Variants in SHTN1 observed in about 807,000 individuals in gnomAD.
SHTN1 encodes shootin 1.
In SHTN1, 42 loss-of-function variants were observed where a neutral mutation model predicts 83.1. The ratio of observed to expected loss-of-function variants is 0.51; its 90% CI spans 0.39 to 0.65. The LOEUF is 0.65. Ranked by LOEUF, SHTN1 falls within the 30% of genes least tolerant of loss-of-function variation. SHTN1 has a pLI of 0.00. For synonymous variants in SHTN1, 224 were observed against 247.7 expected (o/e 0.90, Z 0.90); for missense variants, 622 against 737.8 (o/e 0.84, Z 1.82).
At chr10:116,974,076 A>C in intron 2 of SHTN1, 1 of 1,071,656 alleles carries the variant, frequency 9.3e-7, no homozygotes, top group African/African-American at 1.6e-5. Flanking sequence ...TCCAATTCAA[A>C]GTTCTTTCCC....
At chr10:116,912,614 C>T (rs562688585) in intron 13 of SHTN1, among the ~76,000 whole-genome samples, 7 of 152,236 alleles carry the variant, frequency 4.6e-5, no homozygotes, top group South Asian at 4.2e-4. Flanking sequence ...CAATACCTAA[C>T]GATCTCTGCA....
chr10:116,956,418 TA>T (rs1169209716), intron 4 of SHTN1, among the ~76,000 whole-genome samples: 2 of 152,222 alleles, frequency 1.3e-5, no homozygotes, highest in African/African-American at 4.8e-5. Context: ...AGAATTAAGA[TA>T]GTCTGTATCC....
At chr10:116,903,051 G>A (rs1053771663) in intron 15 of SHTN1, among the ~76,000 whole-genome samples, 3 of 152,158 alleles carry the variant, frequency 2.0e-5, no homozygotes, top group African/African-American at 7.2e-5. Context: ...CTACCTAAGA[G>A]AGACTAAAAA....
At chr10:116,937,660 G>T (rs1398056148) in intron 9 of SHTN1, among the ~76,000 whole-genome samples, 1 of 152,020 alleles carries the variant, frequency 6.6e-6, no homozygotes, top group Non-Finnish European at 1.5e-5. Flanking sequence ...TCTTCTCGAG[G>T]AGTATCTTTG....
rs562695793 is a variant in SHTN1 at position 116,900,354 on chromosome 10, T to C, written c.1673+1411A>G. ...AAATTGAGCTTCACATCTGCCTTTA[T>C]GGCATCTAACAACTGTGTCTGTCAA... On this transcript the variant is annotated intron_variant, in intron 16 of 16. Coordinates refer to ENST00000355371, the MANE Select transcript of SHTN1 (RefSeq NM_001127211.3). The C allele has an allele frequency of 2.0e-3, 1,212 of 604,586 alleles. 2 individuals carry two copies. Among genetic ancestry groups the C allele is most frequent in the Middle Eastern group, 9.2e-3 (25 of 2,704 alleles). 37.5% of individuals were successfully genotyped at this position (604,586 alleles called of 1,614,324 possible). A position where few individuals can be genotyped will look rare whatever the true frequency, so the allele number is the denominator to read the frequency against.
At chr10:117,019,147 A>G (rs988755669) in intron 2 of SHTN1, among the ~76,000 whole-genome samples, 3 of 152,184 alleles carry the variant, frequency 2.0e-5, no homozygotes, top group Non-Finnish European at 4.4e-5. Context: ...ATTTTAAAAA[A>G]GATTCCATTT....
intron 2 of SHTN1, among the ~76,000 whole-genome samples, chr10:117,043,677 CA>C (rs1261311371): frequency 1.3e-5 from 2 of 151,834 alleles, no homozygotes; most frequent in Non-Finnish European, 2.9e-5. Context: ...CCCATCTCTA[CA>C]AAAAATGTAA....
intron 12 of SHTN1, among the ~76,000 whole-genome samples, chr10:116,919,686 A>T (rs1252300009): frequency 1.3e-5 from 2 of 152,208 alleles, no homozygotes; most frequent in Non-Finnish European, 2.9e-5. Context: ...AAATTACAGC[A>T]TCAGGAAACG....
intron 9 of SHTN1, among the ~76,000 whole-genome samples, chr10:116,935,691 G>A (rs931911947): frequency 3.9e-5 from 6 of 152,196 alleles, no homozygotes; most frequent in African/African-American, 1.4e-4. Context: ...AAATGAGTTA[G>A]GGAGGAGTCC....
chr10:116,963,769 T>C (rs1049616128), intron 3 of SHTN1, among the ~76,000 whole-genome samples: 1 of 152,180 alleles, frequency 6.6e-6, no homozygotes, highest in Non-Finnish European at 1.5e-5. Flanking sequence ...GTTAAATTAT[T>C]TTCCCGCCTT....
intron 1 of SHTN1, among the ~76,000 whole-genome samples, chr10:117,050,662 G>C (rs1322025460): frequency 6.6e-6 from 1 of 151,296 alleles, no homozygotes; most frequent in Non-Finnish European, 1.5e-5. Flanking sequence ...TGTTTGAAAA[G>C]ATCAACAAAA....
chr10:116,962,091 G>C (rs972861717), intron 3 of SHTN1, among the ~76,000 whole-genome samples: 11 of 128,362 alleles, frequency 8.6e-5, no homozygotes, highest in Non-Finnish European at 1.4e-4. Flanking sequence ...CTCTTGTTCT[G>C]AATAGAACCA....
upstream of SHTN1, chr10:117,005,284 T>C: frequency 7.0e-7 from 1 of 1,419,592 alleles, no homozygotes; most frequent in Non-Finnish European, 9.2e-7. Context: ...CCGCTTCACC[T>C]GCAGGCGGGG....
Position 116,885,983 on chromosome 10 carries a change from T to C in SHTN1, c.*361A>G. ...TTGATCAGTTTTGTTTATCCGATTATATACAAGCACCTCAAACTTTCAGCA... is the reference window on the plus strand; with the variant it reads ...TTGATCAGTTTTGTTTATCCGATTACATACAAGCACCTCAAACTTTCAGCA... On this transcript the variant is annotated 3_prime_UTR_variant, in exon 17 of 17. Transcript: ENST00000355371. 1 of 222,368 alleles carries C rather than the reference T, an allele frequency of 4.5e-6. No individual in the cohort carries two copies. The highest frequency in any genetic ancestry group is 8.9e-6 in the Non-Finnish European group (1 of 112,904). 13.8% of individuals were successfully genotyped at this position (222,368 alleles called of 1,614,324 possible). A position where few individuals can be genotyped will look rare whatever the true frequency, so the allele number is the denominator to read the frequency against.
At chr10:116,968,473 T>G (rs1176006165) in intron 3 of SHTN1, among the ~76,000 whole-genome samples, 179 bp downstream of exon 3, 1 of 152,244 alleles carries the variant, frequency 6.6e-6, no homozygotes. Context: ...AACAATGATG[T>G]TTATTCCAGT....
chr10:117,123,750 C>CA (rs201879352), intron 1 of SHTN1, among the ~76,000 whole-genome samples: 38 of 146,844 alleles, frequency 2.6e-4, no homozygotes, highest in Middle Eastern at 3.4e-3. Flanking sequence ...ACTAAAAATA[C>CA]AAAAAAAAAT....
At chr10:117,121,125 G>T (rs563443081) in intron 1 of SHTN1, among the ~76,000 whole-genome samples, 1 of 152,092 alleles carries the variant, frequency 6.6e-6, no homozygotes, top group Admixed American at 6.5e-5. Context: ...TTATATAAAT[G>T]TATTAAATTA....
chr10:116,946,349 A>T (rs1182900283), intron 7 of SHTN1, among the ~76,000 whole-genome samples: 1 of 147,610 alleles, frequency 6.8e-6, no homozygotes, highest in East Asian at 1.9e-4. Context: ...ATGAATCTAA[A>T]TTTTCCACCA....
chr10:116,955,482 G>A (rs1232405236), intron 4 of SHTN1, among the ~76,000 whole-genome samples: 2 of 152,038 alleles, frequency 1.3e-5, no homozygotes, highest in Non-Finnish European at 2.9e-5. Flanking sequence ...AATTGATATT[G>A]GAAACAAATG....
Sources: allele counts gnomAD v4.1 joint callset (sites outside exome capture counted in the v4.1 genomes callset), GRCh38; gene constraint gnomAD v4.1.1; transcripts MANE v1.5; gene names NCBI Gene and HGNC (gene_info 2026-07-23, HGNC 2026-07-21).